MRC1: variants seen among roughly 807,000 people sequenced by gnomAD.
MRC1 encodes macrophage mannose receptor 1.
A neutral mutation model predicts 102.9 loss-of-function variants in MRC1; 62 were observed. The observed-to-expected ratio is 0.60, with a 90% confidence interval of 0.49 to 0.74. The LOEUF (loss-of-function observed/expected upper bound fraction) is 0.74. MRC1 is among the 30% of genes least tolerant of loss of function. The probability of loss-of-function intolerance (pLI) is 0.00; values close to 1 mark genes in which losing one functional copy is unlikely to be tolerated. For synonymous variants in MRC1, 457 were observed against 298.4 expected, an observed-to-expected ratio of 1.53 and a Z score of -5.48; for missense variants, 1,237 against 862.8, an observed-to-expected ratio of 1.43 and a Z score of -5.43.
At position 17,823,149 on chromosome 10, in the gene MRC1, C is replaced by G; in HGVS notation, c.137C>G (p.Thr46Ser). Residue 46 changes from threonine (T) to serine (S), a missense_variant, in exon 2 of 30, where the codon ACC becomes AGC. Coordinates refer to ENST00000569591, the MANE Select transcript of MRC1 (RefSeq NM_002438.4). ...GCAGTGAGTCCCAGTGCCGTCCAAACCGCAGCTTGCAACCAGGATGCCGAA... is the reference window on the plus strand; with the variant it reads ...GCAGTGAGTCCCAGTGCCGTCCAAAGCGCAGCTTGCAACCAGGATGCCGAA... ...VDAVSPSAVQ[T>S]AACNQDAESQ... 1 of 780,880 alleles carries G rather than the reference C, an allele frequency of 1.3e-6. No individual in the cohort carries two copies. The highest frequency in any genetic ancestry group is 1.3e-5 in the South Asian group (1 of 74,616). The allele number at this position is 780,880 out of a possible 1,614,324, so 48.4% of individuals were successfully genotyped here. A position where few individuals can be genotyped will look rare whatever the true frequency, so the allele number is the denominator to read the frequency against.
At chr10:17,813,016 G>T (rs1838249490) in intron 1 of MRC1, among the ~76,000 whole-genome samples, 1 of 152,124 alleles carries the variant, frequency 6.6e-6, no homozygotes, top group South Asian at 2.1e-4. Context: ...GAGACGTCTT[G>T]GTGGACAGAG....
intron 21 of MRC1, 45 bp from the exon 22 acceptor site, chr10:17,885,224 A>T: frequency 1.3e-6 from 1 of 780,264 alleles, no homozygotes; most frequent in Non-Finnish European, 2.4e-6. Flanking sequence ...TATTTTGAGT[A>T]TTAACTCTCA....
At chr10:17,865,118 C>G (rs1390281864) in intron 11 of MRC1, among the ~76,000 whole-genome samples, 1 of 152,114 alleles carries the variant, frequency 6.6e-6, no homozygotes, top group Non-Finnish European at 1.5e-5. Context: ...TTCAACATCC[C>G]TTATAGCAAA....
chr10:17,881,603 C>T (rs1833518193), intron 21 of MRC1, among the ~76,000 whole-genome samples: 1 of 150,608 alleles, frequency 6.6e-6, no homozygotes, highest in African/African-American at 2.4e-5. Context: ...CTCTTCTAGT[C>T]ACTTGATCAT....
intron 1 of MRC1, among the ~76,000 whole-genome samples, chr10:17,811,598 T>C (rs1189193874): frequency 6.6e-6 from 1 of 152,118 alleles, no homozygotes; most frequent in East Asian, 1.9e-4. Flanking sequence ...TTTCACTCTG[T>C]CACCCAGGCT....
intron 22 of MRC1, among the ~76,000 whole-genome samples, chr10:17,890,295 A>G (rs1833654628): frequency 6.6e-6 from 1 of 151,564 alleles, no homozygotes. Flanking sequence ...ATGTGTTTAG[A>G]TGTTGTATCT....
At chr10:17,876,542 C>T (rs1439363045) in intron 17 of MRC1, among the ~76,000 whole-genome samples, 2 of 152,216 alleles carry the variant, frequency 1.3e-5, no homozygotes, top group East Asian at 3.9e-4. Context: ...GCCACTGTGC[C>T]CAGTCTCAGA....
chr10:17,813,703 T>A (rs868993483), intron 1 of MRC1, among the ~76,000 whole-genome samples: 9,105 of 120,476 alleles, frequency 0.076, 273 homozygotes, highest in South Asian at 0.1. Flanking sequence ...TATATATATT[T>A]TTTTTTTTTT....
intron 1 of MRC1, among the ~76,000 whole-genome samples, chr10:17,810,259 G>A (rs1420838729): frequency 2.6e-5 from 4 of 152,094 alleles, no homozygotes; most frequent in African/African-American, 7.2e-5. Context: ...CTTCAGGATG[G>A]GAGTGCCTCG....
intron 6 of MRC1, among the ~76,000 whole-genome samples, chr10:17,847,998 T>G (rs1440155587): frequency 1.3e-5 from 2 of 151,514 alleles, no homozygotes; most frequent in African/African-American, 2.4e-5. Flanking sequence ...TTTTTAAATA[T>G]GCATTTTTTA....
At chr10:17,854,592 T>C (rs1833049980) in intron 8 of MRC1, 3 of 152,968 alleles carry the variant, frequency 2.0e-5, no homozygotes, top group African/African-American at 7.2e-5. Flanking sequence ...AATTTATAAA[T>C]GTTACTCTGG....
At chr10:17,834,711 G>A (rs1838636592) in intron 4 of MRC1, among the ~76,000 whole-genome samples, 1 of 152,188 alleles carries the variant, frequency 6.6e-6, no homozygotes, top group South Asian at 2.1e-4. Context: ...ACCGTGCCTG[G>A]CCAATGTGTT....
intron 4 of MRC1, among the ~76,000 whole-genome samples, chr10:17,834,789 A>C (rs952427273): frequency 2.6e-5 from 4 of 152,212 alleles, no homozygotes; most frequent in Non-Finnish European, 5.9e-5. Flanking sequence ...TTGAGAAGAG[A>C]GTATCCGTTT....
chr10:17,871,931 A>G (rs1006444300), intron 14 of MRC1, 51 bp from the exon 15 acceptor site: 68 of 767,550 alleles, frequency 8.9e-5, no homozygotes, highest in Non-Finnish European at 1.6e-4. Flanking sequence ...AATGATTGGC[A>G]TTGGCTTGAT....
chr10:17,892,509 A>T (rs1833693825), intron 22 of MRC1, among the ~76,000 whole-genome samples: 2 of 152,124 alleles, frequency 1.3e-5, no homozygotes, highest in Admixed American at 1.3e-4. Flanking sequence ...CAATGCATTT[A>T]AGAGAAGTTG....
intron 2 of MRC1, among the ~76,000 whole-genome samples, chr10:17,827,012 A>C (rs1174530164): frequency 2.6e-5 from 4 of 151,988 alleles, no homozygotes; most frequent in Non-Finnish European, 5.9e-5. Flanking sequence ...GGTTTTTTTT[A>C]ATCTAGAGAT....
At chr10:17,902,235 ATTTAT>A (rs1833838666) in intron 26 of MRC1, 113 bp downstream of exon 26, 4 of 653,992 alleles carry the variant, frequency 6.1e-6, no homozygotes. Context: ...ATTTTTAATG[ATTTAT>A]TTTATAACAG....
intron 8 of MRC1, among the ~76,000 whole-genome samples, chr10:17,853,381 C>T (rs890542033): frequency 1.3e-5 from 2 of 151,956 alleles, no homozygotes; most frequent in Non-Finnish European, 2.9e-5. Flanking sequence ...AATGAATACT[C>T]ATATTGTTTC....
chr10:17,850,682 T>C (rs1374374188), intron 7 of MRC1, among the ~76,000 whole-genome samples: 1 of 152,110 alleles, frequency 6.6e-6, no homozygotes, highest in East Asian at 1.9e-4. Context: ...TGCTCTTCAT[T>C]TCCCCCCAGC....
Sources: allele counts gnomAD v4.1 joint callset (sites outside exome capture counted in the v4.1 genomes callset), GRCh38; gene constraint gnomAD v4.1.1; transcripts MANE v1.5; gene names NCBI Gene and HGNC (gene_info 2026-07-23, HGNC 2026-07-21).